Variants in ADGRD1 observed in about 807,000 individuals in gnomAD.
ADGRD1 encodes G-protein coupled receptor 133.
ADGRD1 carries 77 observed loss-of-function variants against 113.4 expected under a neutral mutation model. The observed-to-expected ratio is 0.68, with a 90% CI of 0.57 to 0.82. The LOEUF (loss-of-function observed/expected upper bound fraction) is 0.82. Ranked by LOEUF, ADGRD1 falls within the 40% of genes least tolerant of loss-of-function variation. ADGRD1 has a pLI of 0.00. For synonymous variants in ADGRD1, 474 were observed against 475.0 expected (o/e 1.00, Z 0.03); for missense variants, 1,036 against 1,139.1 (o/e 0.91, Z 1.30).
chr12:130,982,925 G>C (rs1239713636), intron 5 of ADGRD1, among the ~76,000 whole-genome samples: 1 of 152,114 alleles, frequency 6.6e-6, no homozygotes, highest in Non-Finnish European at 1.5e-5. Context: ...AGGTGGAGGG[G>C]GCAGCACAAA....
chr12:131,097,096 A>T (rs1448312015), intron 15 of ADGRD1, among the ~76,000 whole-genome samples: 1 of 152,152 alleles, frequency 6.6e-6, no homozygotes, highest in African/African-American at 2.4e-5. Context: ...TACCCCTATG[A>T]GGTCCCCCTT....
chr12:131,028,398 C>G (rs1252291210), intron 13 of ADGRD1, among the ~76,000 whole-genome samples: 1 of 151,994 alleles, frequency 6.6e-6, no homozygotes, highest in East Asian at 1.9e-4. Flanking sequence ...ACGGGGTCTT[C>G]CCTTTTGACT....
At position 131,027,970 on chromosome 12, in the gene ADGRD1, C is replaced by G. The variant is rs1880164625; in HGVS notation, c.1473+13630C>G. 6.6e-6 allele frequency: 1 copy of G among 152,214 alleles called. No individual in the cohort carries two copies. The highest frequency in any genetic ancestry group is 6.5e-5 in the Admixed American group (1 of 15,288). The allele number at this position is 152,214 out of a possible 1,614,324, so 9.4% of individuals were successfully genotyped here. A position where few individuals can be genotyped will look rare whatever the true frequency, so the allele number is the denominator to read the frequency against. On this transcript the variant is annotated intron_variant, in intron 13 of 24. Transcript: ENST00000261654. The surrounding 1 kb of genome is among the most constrained non-coding windows in gnomAD (Gnocchi z 5.1). ...AGTGAGCGCGTTTCTGCTGGTGAACCTGACTGTGCCCTTCTTTGTGGGATC... is the reference window on the plus strand; with the variant it reads ...AGTGAGCGCGTTTCTGCTGGTGAACGTGACTGTGCCCTTCTTTGTGGGATC...
In ADGRD1 at chr12:131,003,107, G is replaced by A; in HGVS notation, c.1027-78G>A. ...GGCCAACGTGGGGAAACTTGATTTT[G>A]TGTGCCTGGTGCACCTGCCTGGTGC... On this transcript the variant is annotated intron_variant, in intron 9 of 24. Transcript: ENST00000261654. This position sits in a 1 kb window ranked among gnomAD's most constrained non-coding sequence, Gnocchi z 4.8. The A allele has an allele frequency of 8.8e-7, 1 of 1,141,300 alleles. No homozygotes were observed. The highest frequency in any genetic ancestry group is 2.4e-5 in the East Asian group (1 of 42,486). 70.7% of individuals were successfully genotyped at this position (1,141,300 alleles called of 1,614,324 possible). A position where few individuals can be genotyped will look rare whatever the true frequency, so the allele number is the denominator to read the frequency against.
chr12:131,079,030 T>C (rs996325991), intron 14 of ADGRD1, among the ~76,000 whole-genome samples: 1 of 152,180 alleles, frequency 6.6e-6, no homozygotes, highest in African/African-American at 2.4e-5. Flanking sequence ...GTCCGGCTCC[T>C]GCAAGCACCG....
chr12:130,993,572 AC>A (rs1340632043), intron 8 of ADGRD1, among the ~76,000 whole-genome samples: 1 of 151,882 alleles, frequency 6.6e-6, no homozygotes, highest in African/African-American at 2.4e-5. Flanking sequence ...AGTCACAGAG[AC>A]CTGGCTTTGA....
chr12:130,956,041 G>A (rs1471529428), intron 2 of ADGRD1, among the ~76,000 whole-genome samples: 1 of 152,198 alleles, frequency 6.6e-6, no homozygotes, highest in Non-Finnish European at 1.5e-5. Flanking sequence ...CAACCACCTC[G>A]GCCTCCCAAA....
chr12:131,090,168 A>G (rs1159782908), intron 15 of ADGRD1, among the ~76,000 whole-genome samples: 1 of 152,210 alleles, frequency 6.6e-6, no homozygotes. Flanking sequence ...AGCAAATCGC[A>G]TCTATTCATT....
chr12:131,007,281 A>G (rs1877245645), intron 12 of ADGRD1, among the ~76,000 whole-genome samples: 1 of 152,238 alleles, frequency 6.6e-6, no homozygotes, highest in South Asian at 2.1e-4. Flanking sequence ...TTGGCTTTCC[A>G]GAACTCTGCC....
At chr12:131,055,763 G>C (rs1280834377) in intron 13 of ADGRD1, among the ~76,000 whole-genome samples, 1 of 152,204 alleles carries the variant, frequency 6.6e-6, no homozygotes, top group African/African-American at 2.4e-5. Flanking sequence ...TCTGGGGACA[G>C]CCACAGAGCT....
chr12:131,123,833 A>AG (rs1566131358), intron 20 of ADGRD1, among the ~76,000 whole-genome samples: 3 of 152,144 alleles, frequency 2.0e-5, no homozygotes. Flanking sequence ...CTCAAAAAAA[A>AG]AAAAAAAAGG....
intron 4 of ADGRD1, chr12:130,977,719 C>A (rs910651237): frequency 3.9e-5 from 6 of 152,310 alleles, no homozygotes; most frequent in Non-Finnish European, 7.3e-5. Context: ...TCTGATAGGC[C>A]CAGCCCGAGT....
At chr12:131,044,148 T>C (rs1381811726) in intron 13 of ADGRD1, among the ~76,000 whole-genome samples, 1 of 152,192 alleles carries the variant, frequency 6.6e-6, no homozygotes, top group Non-Finnish European at 1.5e-5. Context: ...TTAGAACAGG[T>C]TCTGATAAAG....
intron 13 of ADGRD1, among the ~76,000 whole-genome samples, chr12:131,066,427 G>A (rs1001834495): frequency 2.0e-5 from 3 of 152,118 alleles, no homozygotes; most frequent in Admixed American, 6.5e-5. Flanking sequence ...GGCCCTGTCC[G>A]TTCACTCCCA....
intron 4 of ADGRD1, chr12:130,973,312 C>G (rs1381584296): frequency 1.3e-5 from 2 of 152,246 alleles, no homozygotes; most frequent in African/African-American, 4.8e-5. Flanking sequence ...CACTGCTTCC[C>G]TTTGAAAAGC....
intron 13 of ADGRD1, among the ~76,000 whole-genome samples, chr12:131,044,110 C>T (rs995458150): frequency 2.6e-5 from 4 of 152,114 alleles, no homozygotes; most frequent in Admixed American, 2.0e-4. Flanking sequence ...ATAGAGTGAA[C>T]TGAATCTCTA....
rs1593183937 is a variant in ADGRD1, at chr12:131,084,388, A to ACACCACGGTCTGG, written c.1548-151_1548-139dup. Reference sequence around the variant, plus strand: ...GCCAGAATCTCTCCTCCCAACCCCCACACCACGGTCTGGGTGTGCATTCCT... The same window carrying ACACCACGGTCTGG: ...GCCAGAATCTCTCCTCCCAACCCCCACACCACGGTCTGGCACCACGGTCTGGGTGTGCATTCCT... On this transcript the variant is annotated intron_variant, in intron 14 of 24. Coordinates refer to ENST00000261654, the MANE Select transcript of ADGRD1 (RefSeq NM_198827.5). This position sits in a 1 kb window ranked among gnomAD's most constrained non-coding sequence, Gnocchi z 4.5. 1.3e-6 allele frequency: 1 copy of ACACCACGGTCTGG among 753,750 alleles called. No individual in the cohort carries two copies. Among genetic ancestry groups the ACACCACGGTCTGG allele is most frequent in the African/African-American group, 1.7e-5 (1 of 57,676 alleles). 46.7% of individuals were successfully genotyped at this position (753,750 alleles called of 1,614,324 possible). A position where few individuals can be genotyped will look rare whatever the true frequency, so the allele number is the denominator to read the frequency against.
At chr12:131,087,170 G>A (rs1278751858) in intron 15 of ADGRD1, among the ~76,000 whole-genome samples, 1 of 152,200 alleles carries the variant, frequency 6.6e-6, no homozygotes, top group Non-Finnish European at 1.5e-5. Flanking sequence ...CCTACAAAGT[G>A]CTGGGATTAC....
rs570013252 is a variant in ADGRD1 at position 130,966,433 on chromosome 12, A to T, written c.104-30A>T. ...TCTGGTTCTTTCCTCTCTAATGATG[A>T]TTTAAAATTTTTATTCTTTTTTCCC... On this transcript the variant is annotated intron_variant, in intron 2 of 24. Transcript: ENST00000261654. This position sits in a 1 kb window ranked among gnomAD's most constrained non-coding sequence, Gnocchi z 4.6. 1.5e-4 allele frequency: 211 copies of T among 1,445,372 alleles called. 3 individuals carry two copies. The East Asian group carries it at 4.8e-3, about 33-fold the overall frequency. 89.5% of individuals were successfully genotyped at this position (1,445,372 alleles called of 1,614,324 possible). A position where few individuals can be genotyped will look rare whatever the true frequency, so the allele number is the denominator to read the frequency against.
Sources: allele counts gnomAD v4.1 joint callset (sites outside exome capture counted in the v4.1 genomes callset), GRCh38; gene constraint gnomAD v4.1.1; non-coding constraint Gnocchi (gnomAD v3.1); transcripts MANE v1.5; gene names NCBI Gene and HGNC (gene_info 2026-07-23, HGNC 2026-07-21).